Variants in SORCS3 observed in about 807,000 individuals in gnomAD.
SORCS3 encodes the protein sortilin related VPS10 domain containing receptor 3.
In SORCS3, 57 loss-of-function variants were observed where a neutral mutation model predicts 146.3. The ratio of observed to expected loss-of-function variants is 0.39; its 90% confidence interval spans 0.31 to 0.49. SORCS3 has a LOEUF of 0.49. Among genes scored for constraint, SORCS3 ranks in the 20% least tolerant of loss-of-function variants. SORCS3 has a pLI of 0.92. For synonymous variants in SORCS3, 653 were observed against 618.5 expected (o/e 1.06, Z -0.83); for missense variants, 1,341 against 1,575.5 (o/e 0.85, Z 2.52).
intron 6 of SORCS3, among the ~76,000 whole-genome samples, chr10:105,097,268 A>AT (rs1225870962): frequency 8.5e-5 from 13 of 152,328 alleles, no homozygotes; most frequent in Admixed American, 2.6e-4. Flanking sequence ...TTAAATTATT[A>AT]TTTTTTGCCC....
intron 1 of SORCS3, among the ~76,000 whole-genome samples, chr10:104,738,331 C>A (rs2016800929): frequency 6.6e-6 from 1 of 151,828 alleles, no homozygotes; most frequent in South Asian, 2.1e-4. Flanking sequence ...ATCATTTTTT[C>A]TTTGTTCACA....
chr10:105,200,637 T>C (rs934749734), intron 15 of SORCS3, among the ~76,000 whole-genome samples: 1 of 152,196 alleles, frequency 6.6e-6, no homozygotes, highest in Non-Finnish European at 1.5e-5. Context: ...TTGTATCAAC[T>C]TCTCCTTTCT....
chr10:104,774,417 C>G (rs1317303505), intron 1 of SORCS3, among the ~76,000 whole-genome samples: 1 of 152,138 alleles, frequency 6.6e-6, no homozygotes, highest in Admixed American at 6.5e-5. Context: ...GTCGACGCTG[C>G]CATTTCCCCG....
chr10:104,957,651 C>A (rs1326060133), intron 3 of SORCS3, among the ~76,000 whole-genome samples: 1 of 152,048 alleles, frequency 6.6e-6, no homozygotes, highest in Non-Finnish European at 1.5e-5. Context: ...CTCTTCAGTC[C>A]TTCCTCTCCT....
At chr10:104,881,610 A>G (rs2018630810) in intron 2 of SORCS3, among the ~76,000 whole-genome samples, 1 of 152,214 alleles carries the variant, frequency 6.6e-6, no homozygotes, top group African/African-American at 2.4e-5. Context: ...TATATTAAGA[A>G]TGGAAGGGTG....
At chr10:104,927,870 T>G (rs2019164840) in intron 3 of SORCS3, among the ~76,000 whole-genome samples, 1 of 140,366 alleles carries the variant, frequency 7.1e-6, no homozygotes, top group Non-Finnish European at 1.5e-5. Context: ...AGAGCAAGAC[T>G]CCGTCTGAAA....
At chr10:105,011,344 C>G (rs1451427036) in intron 4 of SORCS3, among the ~76,000 whole-genome samples, 3 of 152,126 alleles carry the variant, frequency 2.0e-5, no homozygotes, top group Non-Finnish European at 4.4e-5. Flanking sequence ...GTCCTTCTCT[C>G]CTTCCTCCTC....
At chr10:104,977,758 A>G (rs1043832053) in intron 4 of SORCS3, among the ~76,000 whole-genome samples, 1 of 134,140 alleles carries the variant, frequency 7.5e-6, no homozygotes, top group African/African-American at 2.8e-5. Flanking sequence ...TTTGACACAG[A>G]GTCTCGCTCT....
At chr10:105,116,095 A>G (rs2055891856) in intron 7 of SORCS3, among the ~76,000 whole-genome samples, 1 of 152,196 alleles carries the variant, frequency 6.6e-6, no homozygotes, top group Non-Finnish European at 1.5e-5. Context: ...TAATGATTAT[A>G]GTGGTTTGCT....
intron 3 of SORCS3, among the ~76,000 whole-genome samples, chr10:104,972,428 G>A (rs577499826): frequency 1.3e-5 from 2 of 152,184 alleles, no homozygotes; most frequent in East Asian, 3.9e-4. Flanking sequence ...AGGACCTTTG[G>A]GGCTATATGT....
intron 1 of SORCS3, among the ~76,000 whole-genome samples, chr10:104,750,295 G>GA (rs201720074): frequency 5.8e-4 from 87 of 151,098 alleles, no homozygotes; most frequent in African/African-American, 1.8e-3. Flanking sequence ...TTATTAGGTA[G>GA]AAAAAAAAAT....
chr10:105,119,610 A>G (rs2133764064), intron 7 of SORCS3, among the ~76,000 whole-genome samples: 1 of 152,326 alleles, frequency 6.6e-6, no homozygotes, highest in East Asian at 1.9e-4. Context: ...ACCCAAGGCC[A>G]TGGGAGCCCA....
intron 1 of SORCS3, among the ~76,000 whole-genome samples, chr10:104,754,959 T>G (rs1490163129): frequency 1.3e-5 from 2 of 151,940 alleles, no homozygotes; most frequent in Non-Finnish European, 2.9e-5. Context: ...GGAGTCAGGG[T>G]GGGTTGGAGG....
chr10:104,952,996 G>T (rs556832067), intron 3 of SORCS3, among the ~76,000 whole-genome samples: 1 of 152,298 alleles, frequency 6.6e-6, no homozygotes, highest in Non-Finnish European at 1.5e-5. Flanking sequence ...TAAAACATAG[G>T]CTCTTCAGAG....
At chr10:104,847,865 C>G (rs1324286090) in intron 2 of SORCS3, among the ~76,000 whole-genome samples, 6 of 152,074 alleles carry the variant, frequency 3.9e-5, no homozygotes, top group East Asian at 1.9e-4. Flanking sequence ...TCCTGTATGC[C>G]TGGCTTCAGG....
intron 20 of SORCS3, among the ~76,000 whole-genome samples, chr10:105,228,234 C>T (rs1007666418): frequency 1.1e-4 from 16 of 151,704 alleles, no homozygotes; most frequent in African/African-American, 3.9e-4. Flanking sequence ...ATAGTGATAA[C>T]ATTTGAATCT....
chr10:104,722,291 C>T (rs1030488252), intron 1 of SORCS3, among the ~76,000 whole-genome samples: 1 of 152,128 alleles, frequency 6.6e-6, no homozygotes, highest in African/African-American at 2.4e-5. Context: ...TATTGATTTG[C>T]ATATGTTGAA....
At chr10:105,129,609 G>A (rs1006183156) in intron 7 of SORCS3, among the ~76,000 whole-genome samples, 4 of 151,154 alleles carry the variant, frequency 2.6e-5, no homozygotes, top group Admixed American at 2.0e-4. Flanking sequence ...ATTCAAGTTC[G>A]TATCTGTCCT....
At chr10:104,840,159 G>C (rs1031253254) in intron 1 of SORCS3, among the ~76,000 whole-genome samples, 1 of 152,188 alleles carries the variant, frequency 6.6e-6, no homozygotes, top group Non-Finnish European at 1.5e-5. Context: ...TATGCTTCCT[G>C]CAGGTGGAGA....
Sources: gnomAD v4.1 joint callset for allele counts (sites outside exome capture counted in the v4.1 genomes callset) on GRCh38, gnomAD v4.1.1 for gene constraint, MANE v1.5 for transcripts, NCBI Gene and HGNC (gene_info 2026-07-23, HGNC 2026-07-21) for gene names.